Variants in DCLRE1C observed in about 807,000 individuals in gnomAD.
DCLRE1C encodes protein artemis.
Under a neutral mutation model 61.4 loss-of-function variants are expected in DCLRE1C, and 47 were observed. That is an observed-to-expected ratio of 0.77 (90% CI 0.61 to 0.98). The LOEUF is 0.98. Among genes scored for constraint, DCLRE1C ranks in the 50% least tolerant of loss-of-function variants. The pLI, the probability that DCLRE1C is intolerant of heterozygous loss-of-function variation, is 0.00. For synonymous variants in DCLRE1C, 337 were observed against 287.6 expected, an observed-to-expected ratio of 1.17 and a Z score of -1.74; for missense variants, 858 against 816.0, an observed-to-expected ratio of 1.05 and a Z score of -0.63.
At chr10:14,927,709 C>T (rs1838257558) in intron 10 of DCLRE1C, among the ~76,000 whole-genome samples, 1 of 152,030 alleles carries the variant, frequency 6.6e-6, no homozygotes, top group African/African-American at 2.4e-5. Flanking sequence ...ATAGTCACTC[C>T]TCTGCTCCAC....
intron 12 of DCLRE1C, among the ~76,000 whole-genome samples, chr10:14,922,104 T>C (rs199941073): frequency 2.6e-5 from 4 of 152,132 alleles, no homozygotes; most frequent in Admixed American, 6.5e-5. Context: ...CTTAGGCAAA[T>C]TGGAACCCAA....
chr10:14,935,632 G>C (rs990761787), intron 5 of DCLRE1C, 68 bp from the exon 6 acceptor site: 1 of 1,413,266 alleles, frequency 7.1e-7, no homozygotes, highest in African/African-American at 1.4e-5. Flanking sequence ...AAATACATGT[G>C]AGCTGCATAC....
In DCLRE1C at chr10:14,936,543, T is replaced by A. The variant is rs757569484; in HGVS notation, c.357A>T (p.Ser119=). 2 of 1,612,314 alleles carry A rather than the reference T, an allele frequency of 1.2e-6. No individual in the cohort carries two copies. The highest frequency in any genetic ancestry group is 8.5e-7 in the Non-Finnish European group (1 of 1,178,470). ...TLLPAGHCPG[S]VMFLFQGNNG... The stretch of plus-strand genomic sequence containing the variant: ...AAAATAAATGACCCCCTTACATAAC[T>A]GATCCCGGACAGTGACCAGCTGGTA... Residue 119 remains serine, a synonymous_variant, in exon 5 of 14, where the codon TCA becomes TCT. Coordinates refer to ENST00000378278, the MANE Select transcript of DCLRE1C (RefSeq NM_001033855.3).
chr10:14,947,092 G>A (rs1841815365), intron 2 of DCLRE1C, among the ~76,000 whole-genome samples: 1 of 152,124 alleles, frequency 6.6e-6, no homozygotes, highest in South Asian at 2.1e-4. Flanking sequence ...CGTGCCTGTA[G>A]TCCTAGCTGC....
intron 8 of DCLRE1C, 133 bp from the exon 9 acceptor site, chr10:14,933,088 C>G: frequency 1.0e-6 from 1 of 960,382 alleles, no homozygotes; most frequent in South Asian, 1.4e-5. Context: ...TAGTTTTTGG[C>G]TATTCAGTGC....
intron 2 of DCLRE1C, among the ~76,000 whole-genome samples, chr10:14,945,962 C>G (rs1057462766): frequency 1.1e-5 from 1 of 94,656 alleles, no homozygotes; most frequent in African/African-American, 4.0e-5. Context: ...CCGGCCTATT[C>G]TTTTTTTTTT....
chr10:14,952,503 G>A (rs1377939234), intron 1 of DCLRE1C, among the ~76,000 whole-genome samples: 4 of 152,088 alleles, frequency 2.6e-5, no homozygotes, highest in African/African-American at 9.7e-5. Flanking sequence ...CACGAGAATC[G>A]CTTGAACCCA....
At position 14,910,303 on chromosome 10, in the gene DCLRE1C, G is replaced by A. The variant is rs41300664; in HGVS notation, c.1157-973C>T. ...GCTTAAGGTCACTAAGATATCTAAC[G>A]ACTGTATTTGGAATCATCCTAGACT... On this transcript the variant is annotated intron_variant, in intron 13 of 13. Coordinates refer to ENST00000378278, the MANE Select transcript of DCLRE1C (RefSeq NM_001033855.3). Among the ~76,000 whole-genome samples, 1,073 of 152,256 alleles carry A rather than the reference G, an allele frequency of 7.0e-3. 19 individuals are homozygous for A. The highest frequency in any genetic ancestry group is 0.033 in the East Asian group (172 of 5,190).
intron 4 of DCLRE1C, among the ~76,000 whole-genome samples, chr10:14,936,807 A>G (rs1840005287): frequency 6.6e-6 from 1 of 152,192 alleles, no homozygotes; most frequent in African/African-American, 2.4e-5. Flanking sequence ...ACCACTAGTT[A>G]TAGAACCAAG....
At chr10:14,911,262 A>G (rs565207602) in intron 13 of DCLRE1C, 8 of 152,350 alleles carry the variant, frequency 5.3e-5, no homozygotes, top group Non-Finnish European at 1.0e-4. Context: ...GGGCATTTGT[A>G]AAAGAACCAA....
Position 14,928,275 on chromosome 10 carries a change from G to A in DCLRE1C, c.781-123C>T, listed in dbSNP as rs1465291491. ...CGAAAAAATAAAAAATAAAAAAAAA[G>A]CAGCAAAACAATGTAGACATGAAGA... On this transcript the variant is annotated intron_variant, in intron 9 of 13. Transcript: ENST00000378278. 7.0e-6 allele frequency: 6 copies of A among 860,754 alleles called. No homozygotes were observed. The African/African-American group carries it at 7.1e-5, about 10-fold the overall frequency. The allele number at this position is 860,754 out of a possible 1,614,324, so 53.3% of individuals were successfully genotyped here. A position where few individuals can be genotyped will look rare whatever the true frequency, so the allele number is the denominator to read the frequency against.
At chr10:14,942,287 T>G (rs1160072939) in intron 3 of DCLRE1C, 1 of 152,182 alleles carries the variant, frequency 6.6e-6, no homozygotes, top group Non-Finnish European at 1.5e-5. Flanking sequence ...TTTCGGTCTG[T>G]CCTAGTGGGC....
At position 14,919,887 on chromosome 10, in the gene DCLRE1C, G is replaced by A; in HGVS notation, c.1062-55C>T. The A allele has an allele frequency of 2.2e-6, 3 of 1,374,892 alleles. No individual in the cohort carries two copies. In the Admixed American group the frequency reaches 5.0e-5, roughly 23 times the overall value. The allele number at this position is 1,374,892 out of a possible 1,614,324, so 85.2% of individuals were successfully genotyped here. On this transcript the variant is annotated intron_variant, in intron 12 of 13. Transcript: ENST00000378278. ...CTTTTGAGGAAGTTGTTAGAAGGTAGACATCATTGATAGTATTACAAATTT... is the reference window on the plus strand; with the variant it reads ...CTTTTGAGGAAGTTGTTAGAAGGTAAACATCATTGATAGTATTACAAATTT...
At position 14,908,958 on chromosome 10, in the gene DCLRE1C, G is replaced by A. The variant is rs1834786396; in HGVS notation, c.1529C>T (p.Ser510Phe). Residue 510 changes from serine to phenylalanine, a missense_variant, in exon 14 of 14, where the codon TCC becomes TTC. This residue lies in a region of DCLRE1C where 843 missense variants were observed against 783.5 expected (regional missense o/e 1.08). Transcript: ENST00000378278. ...TDESLENFPSSTVAGGSQSPK... is the reference protein window; with the variant it reads ...TDESLENFPSFTVAGGSQSPK... ...TGACTGAGATCCCCCTGCCACTGTG[G>A]AGGAAGGGAAGTTTTCCAAACTCTC... 1 of 1,614,160 alleles carries A rather than the reference G, an allele frequency of 6.2e-7. No individual in the cohort carries two copies. The highest frequency in any genetic ancestry group is 8.5e-7 in the Non-Finnish European group (1 of 1,180,018).
chr10:14,902,702 A>T (rs2131729452), downstream of DCLRE1C: 2 of 441,422 alleles, frequency 4.5e-6, no homozygotes, highest in Non-Finnish European at 4.1e-6. Flanking sequence ...ATAGACTGAT[A>T]TGAAGTCGAC....
upstream of DCLRE1C, chr10:14,954,376 C>G (rs549457826): frequency 1.1e-5 from 4 of 370,084 alleles, no homozygotes; most frequent in African/African-American, 2.1e-5. Flanking sequence ...GCAGGTGGCC[C>G]CAGCCGACGA....
At chr10:14,925,639 A>G (rs936519943) in intron 11 of DCLRE1C, among the ~76,000 whole-genome samples, 1 of 152,190 alleles carries the variant, frequency 6.6e-6, no homozygotes, top group Non-Finnish European at 1.5e-5. Flanking sequence ...CTCATGGTCA[A>G]TAGCCCTATA....
In DCLRE1C at chr10:14,946,257, C is replaced by G. The variant is rs371149615; in HGVS notation, c.162-1068G>C. On this transcript the variant is annotated intron_variant, in intron 2 of 13. Transcript: ENST00000378278. ...TCCTGACCTCAACTGATCCACCCAC[C>G]TCAGCCTCCCAAAGTGATGGGATTA... Among the ~76,000 whole-genome samples the G allele has an allele frequency of 1.1e-4, 16 of 152,124 alleles. No homozygotes were observed. The East Asian group carries it at 2.5e-3, about 24-fold the overall frequency.
chr10:14,906,464 T>C lies in DCLRE1C; in HGVS notation c.*1944A>G, dbSNP rs1170382543. Among the ~76,000 whole-genome samples, 1 of 152,222 alleles carries C rather than the reference T, an allele frequency of 6.6e-6. No homozygotes were observed. Among genetic ancestry groups the C allele is most frequent in the African/African-American group, 2.4e-5 (1 of 41,460 alleles). On this transcript the variant is annotated 3_prime_UTR_variant, in exon 14 of 14. Transcript: ENST00000378278. ...TAATGTGATTATAAAATAACAGGAATATATTCAGAGGAATGTTTACAGGCA... is the reference window on the plus strand; with the variant it reads ...TAATGTGATTATAAAATAACAGGAACATATTCAGAGGAATGTTTACAGGCA...
Sources: allele counts gnomAD v4.1 joint callset (sites outside exome capture counted in the v4.1 genomes callset), GRCh38; gene constraint gnomAD v4.1.1; regional missense constraint gnomAD v4.1.1; transcripts MANE v1.5; gene names NCBI Gene and HGNC (gene_info 2026-07-23, HGNC 2026-07-21).